AK5: variants seen among roughly 807,000 people sequenced by gnomAD.
AK5 encodes adenylate kinase isoenzyme 5.
Under a neutral mutation model 69.5 loss-of-function variants are expected in AK5, and 27 were observed. The observed-to-expected ratio is 0.39, with a 90% confidence interval of 0.29 to 0.54. AK5 has a LOEUF of 0.54. AK5 is among the 20% of genes least tolerant of loss of function. The pLI is 0.71. For synonymous variants in AK5, 260 were observed against 244.4 expected, an observed-to-expected ratio of 1.06 and a Z score of -0.60; for missense variants, 531 against 700.4, an observed-to-expected ratio of 0.76 and a Z score of 2.73.
At chr1:77,431,785 C>T (rs1333895081) in intron 8 of AK5, among the ~76,000 whole-genome samples, 1 of 151,956 alleles carries the variant, frequency 6.6e-6, no homozygotes, top group African/African-American at 2.4e-5. Context: ...CCATTGTAAA[C>T]TATGTGTGTA....
At chr1:77,473,280 C>T (rs1408726827) in intron 8 of AK5, among the ~76,000 whole-genome samples, 2 of 151,138 alleles carry the variant, frequency 1.3e-5, no homozygotes, top group Admixed American at 6.6e-5. Context: ...TGCAGTGGTA[C>T]GATCACAACT....
At chr1:77,339,943 T>C (rs980298637) in intron 5 of AK5, among the ~76,000 whole-genome samples, 1 of 152,138 alleles carries the variant, frequency 6.6e-6, no homozygotes, top group Non-Finnish European at 1.5e-5. Context: ...GGAAACAGCA[T>C]TGGGCCTGGC....
chr1:77,282,512 T>TC lies in AK5; in HGVS notation c.60+144dup, dbSNP rs1326443211. On this transcript the variant is annotated intron_variant, in intron 1 of 13. Coordinates refer to ENST00000354567, the MANE Select transcript of AK5 (RefSeq NM_174858.3). ...GGCTTGTAGAAGCGCACTCGCCCGC[T>TC]CCCCCGAGGGTAGTCGCCTTTCCCG... 4.3e-6 allele frequency: 6 copies of TC among 1,382,778 alleles called. No homozygotes were observed. The African/African-American group carries it at 4.5e-5, about 10-fold the overall frequency. The allele number at this position is 1,382,778 out of a possible 1,614,324, so 85.7% of individuals were successfully genotyped here.
chr1:77,285,588 A>T (rs183898774), intron 1 of AK5, among the ~76,000 whole-genome samples: 5 of 152,330 alleles, frequency 3.3e-5, no homozygotes, highest in African/African-American at 1.2e-4. Flanking sequence ...TCCATGAAAT[A>T]CTCTAAAGGA....
intron 10 of AK5, among the ~76,000 whole-genome samples, chr1:77,500,602 G>A (rs796348383): frequency 9.8e-5 from 15 of 152,296 alleles, no homozygotes; most frequent in African/African-American, 3.4e-4. Context: ...GAGCAACATG[G>A]TGAAACCCCG....
rs1363089333 is a variant in AK5, at chr1:77,453,972, AG to A, written c.1060-29342del. On this transcript the variant is annotated intron_variant, in intron 8 of 13. Coordinates refer to ENST00000354567, the MANE Select transcript of AK5 (RefSeq NM_174858.3). ...GGGGAGCCCCTTTTTCCTCTTCTCC[AG>A]GGTCTTAATAGGGTCTGGAAAGACT... Among the ~76,000 whole-genome samples the A allele has an allele frequency of 5.3e-5, 8 of 152,246 alleles. No individual in the cohort carries two copies. The East Asian group carries it at 1.2e-3, about 22-fold the overall frequency.
chr1:77,499,869 CATTTTTTTTTTTTTTTTT>C (rs1656600179), intron 10 of AK5, among the ~76,000 whole-genome samples: 4 of 78,778 alleles, frequency 5.1e-5, no homozygotes, highest in South Asian at 1.1e-3. Flanking sequence ...GCCCTTTTTC[CATTTTTTTTTTTTTTTTT>C]TTTTTTTTTT....
chr1:77,539,229 T>A (rs986099273), intron 13 of AK5, among the ~76,000 whole-genome samples: 3 of 152,224 alleles, frequency 2.0e-5, no homozygotes, highest in African/African-American at 7.2e-5. Context: ...AACGGGAGCC[T>A]AGTCCAAACC....
chr1:77,391,473 G>GTGTGTGTA (rs748321318), intron 6 of AK5, among the ~76,000 whole-genome samples: 31 of 45,480 alleles, frequency 6.8e-4, no homozygotes, highest in South Asian at 1.0e-3. Flanking sequence ...ATACACATAT[G>GTGTGTGTA]TGTGTGTGTA....
rs749712310 is a variant in AK5 at position 77,499,869 on chromosome 1, C to CTTTTTTTTTTT, written c.1147+13517_1147+13518insTTTTTTTTTTT. 6.0e-4 allele frequency among the ~76,000 whole-genome samples: 47 copies of CTTTTTTTTTTT among 78,776 alleles called. 8 individuals are homozygous for CTTTTTTTTTTT. Among genetic ancestry groups the CTTTTTTTTTTT allele is most frequent in the Middle Eastern group, 0.013 (1 of 78 alleles). 51.7% of individuals were successfully genotyped at this position (78,776 alleles called of 152,430 possible). On this transcript the variant is annotated intron_variant, in intron 10 of 13. Transcript: ENST00000354567. Reference sequence around the variant, plus strand: ...GATGACAGAGACCATGCCCTTTTTCCATTTTTTTTTTTTTTTTTTTTTTTT... The same window carrying CTTTTTTTTTTT: ...GATGACAGAGACCATGCCCTTTTTCCTTTTTTTTTTTATTTTTTTTTTTTTTTTTTTTTTTT...
intron 6 of AK5, among the ~76,000 whole-genome samples, chr1:77,389,829 G>C (rs918576034): frequency 6.6e-6 from 1 of 152,078 alleles, no homozygotes; most frequent in Non-Finnish European, 1.5e-5. Flanking sequence ...GGATGTGGTG[G>C]TGAATGCCTG....
intron 8 of AK5, among the ~76,000 whole-genome samples, chr1:77,435,048 T>G (rs987393741): frequency 6.6e-6 from 1 of 152,078 alleles, no homozygotes; most frequent in Non-Finnish European, 1.5e-5. Context: ...AGACAAACAT[T>G]TGAGCATCAG....
intron 10 of AK5, among the ~76,000 whole-genome samples, chr1:77,501,739 G>A (rs1357215715): frequency 2.0e-5 from 3 of 152,098 alleles, no homozygotes. Context: ...TGCAAATATA[G>A]AAAAAGGTTT....
chr1:77,559,474 C>T lies in AK5; in HGVS notation c.*804C>T, dbSNP rs1461687774. On this transcript the variant is annotated 3_prime_UTR_variant, in exon 14 of 14. Coordinates refer to ENST00000354567, the MANE Select transcript of AK5 (RefSeq NM_174858.3). The stretch of plus-strand genomic sequence containing the variant: ...TAAATGACCAAAAGTAACTTAAAAG[C>T]ATGAGATATTTGCTATTTCATTCAT... 6.6e-6 allele frequency: 1 copy of T among 152,100 alleles called. No homozygotes were observed. The highest frequency in any genetic ancestry group is 1.5e-5 in the Non-Finnish European group (1 of 68,020). The allele number at this position is 152,100 out of a possible 1,614,324, so 9.4% of individuals were successfully genotyped here.
chr1:77,340,657 AC>A, intron 6 of AK5, 89 bp downstream of exon 6: 1 of 1,295,748 alleles, frequency 7.7e-7, no homozygotes. Context: ...AATCCTCTTT[AC>A]CTTAAAAAGT....
intron 10 of AK5, among the ~76,000 whole-genome samples, chr1:77,500,545 G>A (rs3104464): frequency 0.25 from 37,971 of 151,994 alleles, 5,053 homozygotes; most frequent in East Asian, 0.35. Context: ...TTAGGAGGCC[G>A]AGGCAGGCAG....
chr1:77,507,316 A>ATGGTACC (rs1201774834), intron 10 of AK5, among the ~76,000 whole-genome samples: 2 of 152,078 alleles, frequency 1.3e-5, no homozygotes, highest in African/African-American at 4.8e-5. Flanking sequence ...GTAGAGTTTA[A>ATGGTACC]TGGTACCAGG....
Position 77,501,905 on chromosome 1 carries a change from C to T in AK5, c.1147+15553C>T, listed in dbSNP as rs531733042. On this transcript the variant is annotated intron_variant, in intron 10 of 13. Coordinates refer to ENST00000354567, the MANE Select transcript of AK5 (RefSeq NM_174858.3). ...GAGACTGTGCCTATTTCACTCACTC[C>T]TGTTTGGCAGGAGGAGCACAGAGCT... 9.9e-5 allele frequency among the ~76,000 whole-genome samples: 15 copies of T among 152,282 alleles called. 2 individuals are homozygous for T. The South Asian group carries it at 3.1e-3, about 32-fold the overall frequency.
chr1:77,398,288 T>C (rs924209007), intron 6 of AK5, among the ~76,000 whole-genome samples: 1 of 152,192 alleles, frequency 6.6e-6, no homozygotes, highest in African/African-American at 2.4e-5. Context: ...GCGGGTTTTT[T>C]TCAGGCTTTC....
Sources: allele counts gnomAD v4.1 joint callset (sites outside exome capture counted in the v4.1 genomes callset), GRCh38; gene constraint gnomAD v4.1.1; transcripts MANE v1.5; gene names NCBI Gene and HGNC (gene_info 2026-07-23, HGNC 2026-07-21).